The following ROPN1 variants were observed in gnomAD, a reference collection of about 807,000 sequenced individuals.
ROPN1 encodes rhophilin associated tail protein 1.
ROPN1 carries 14 observed loss-of-function variants against 20.5 expected under a neutral mutation model. The observed-to-expected ratio is 0.68, with a 90% CI of 0.45 to 1.07. ROPN1 has a LOEUF of 1.07. ROPN1 is among the 50% of genes least tolerant of loss of function. The pLI is 0.00. For synonymous variants in ROPN1, 76 were observed against 95.7 expected (o/e 0.79, Z 1.20); for missense variants, 169 against 242.8 (o/e 0.70, Z 2.02).
intron 4 of ROPN1, among the ~76,000 whole-genome samples, chr3:123,972,045 T>C (rs1280066046): frequency 2.0e-5 from 3 of 152,112 alleles, no homozygotes; most frequent in East Asian, 3.9e-4. Flanking sequence ...CAAGGAGAAA[T>C]GCCTCAGAAG....
intron 3 of ROPN1, among the ~76,000 whole-genome samples, chr3:123,976,218 G>A (rs1046460993): frequency 1.3e-5 from 2 of 152,188 alleles, no homozygotes; most frequent in Admixed American, 6.5e-5. Context: ...TTTCCTGACT[G>A]TCTGATTCTA....
chr3:123,976,204 C>T (rs948142635), intron 3 of ROPN1, among the ~76,000 whole-genome samples: 13 of 152,184 alleles, frequency 8.5e-5, no homozygotes, highest in Non-Finnish European at 1.9e-4. Flanking sequence ...AGTGCTCCAA[C>T]ACCTTTCCTG....
chr3:123,978,798 C>T (rs2038075759), intron 2 of ROPN1: 1 of 153,012 alleles, frequency 6.5e-6, no homozygotes, highest in South Asian at 2.1e-4. Flanking sequence ...GCTCTTAGGT[C>T]ATGCCCTCCT....
At chr3:123,972,168 C>A (rs1293518541) in intron 4 of ROPN1, among the ~76,000 whole-genome samples, 13 of 152,224 alleles carry the variant, frequency 8.5e-5, no homozygotes, top group African/African-American at 3.1e-4. Context: ...TAGCGGCTTT[C>A]AACCCTAAAC....
rs530686517 is a variant in ROPN1 at position 123,981,211 on chromosome 3, T to G, written c.-12-718A>C. On this transcript the variant is annotated intron_variant, in intron 1 of 5. Coordinates refer to ENST00000405845, the MANE Select transcript of ROPN1 (RefSeq NM_001317774.2). Reference sequence around the variant, plus strand: ...AGAGAAAGGGACAGACTAGATATGCTAAAAAGCTGTCCCTCTTCAAAACAC... The same window carrying G: ...AGAGAAAGGGACAGACTAGATATGCGAAAAAGCTGTCCCTCTTCAAAACAC... Among the ~76,000 whole-genome samples, 3 of 152,332 alleles carry G rather than the reference T, an allele frequency of 2.0e-5. No homozygotes were observed. In the South Asian group the frequency reaches 6.2e-4, roughly 32 times the overall value.
At chr3:123,990,096 T>A (rs1300576870) in intron 1 of ROPN1, among the ~76,000 whole-genome samples, 15 of 152,164 alleles carry the variant, frequency 9.9e-5, no homozygotes, top group Admixed American at 9.8e-4. Context: ...GACAGCTGTG[T>A]GGATGAGCTG....
rs75043864 is a variant in ROPN1 at position 123,989,442 on chromosome 3, T to A, written c.-13+2480A>T. ...AAAAATTGAACTAGGTCCTTTAACA[T>A]TTTTTCCCTTGTCAGCTGTCATAAG... On this transcript the variant is annotated intron_variant, in intron 1 of 5. Transcript: ENST00000405845. Among the ~76,000 whole-genome samples, 585 of 152,316 alleles carry A rather than the reference T, an allele frequency of 3.8e-3. 4 individuals are homozygous for A. The highest frequency in any genetic ancestry group is 0.013 in the African/African-American group (536 of 41,566).
intron 4 of ROPN1, chr3:123,974,882 G>A (rs1178188832): frequency 5.4e-6 from 1 of 185,086 alleles, no homozygotes; most frequent in Non-Finnish European, 1.2e-5. Context: ...CATCCATGGA[G>A]ATGTCATGAC....
At position 123,969,112 on chromosome 3, in the gene ROPN1, A is replaced by G. The variant is rs763689115; in HGVS notation, c.*43T>C. On this transcript the variant is annotated 3_prime_UTR_variant, in exon 6 of 6. Transcript: ENST00000405845. Reference sequence around the variant, plus strand: ...ATGGGTTTCAGTCATTCTGAAGTACAATCATCTCTGTATCTTCCTTTAAAA... The same window carrying G: ...ATGGGTTTCAGTCATTCTGAAGTACGATCATCTCTGTATCTTCCTTTAAAA... 6.5e-5 allele frequency: 99 copies of G among 1,520,892 alleles called. No individual in the cohort carries two copies. Among genetic ancestry groups the G allele is most frequent in the Non-Finnish European group, 8.8e-5 (96 of 1,095,550 alleles). 94.2% of individuals were successfully genotyped at this position (1,520,892 alleles called of 1,614,324 possible).
At chr3:123,979,157 A>G (rs2038083836) in intron 2 of ROPN1, 2 of 216,402 alleles carry the variant, frequency 9.2e-6, no homozygotes, top group Non-Finnish European at 1.9e-5. Flanking sequence ...GTTTCTTTTT[A>G]TGAGCACCAC....
intron 5 of ROPN1, among the ~76,000 whole-genome samples, 188 bp from the exon 6 acceptor site, chr3:123,969,409 C>T (rs1477418190): frequency 1.3e-5 from 2 of 152,258 alleles, no homozygotes; most frequent in East Asian, 3.9e-4. Context: ...GCAATCTTGG[C>T]TCACTGCAAC....
intron 2 of ROPN1, chr3:123,979,886 A>G (rs2038101224): frequency 5.6e-6 from 2 of 356,118 alleles, no homozygotes; most frequent in South Asian, 2.7e-5. Context: ...GTCTCCTTAA[A>G]GGAGTGAACT....
Position 123,976,863 on chromosome 3 carries a change from C to A in ROPN1, c.234+1G>T. 6.2e-7 allele frequency: 1 copy of A among 1,613,434 alleles called. No individual in the cohort carries two copies. Among genetic ancestry groups the A allele is most frequent in the South Asian group, 1.1e-5 (1 of 90,968 alleles). ...CCTCAATGCTGCAGCAGGGCCCTTA[C>A]CTGAGAATGCAGGATCTTTAACAGC... On this transcript the variant is annotated splice_donor_variant, in intron 3 of 5. Transcript: ENST00000405845. LOFTEE classifies it high-confidence loss of function.
rs192578105 is a variant in ROPN1, at chr3:123,981,251, A to T, written c.-12-758T>A. ...CTTCAAAACACCTAGAGGCCAGACA[A>T]ATCTCAGTACAAGCCTTTCACATTG... On this transcript the variant is annotated intron_variant, in intron 1 of 5. Transcript: ENST00000405845. The T allele has an allele frequency of 4.6e-5, 7 of 152,342 alleles. No individual in the cohort carries two copies. In the East Asian group the frequency reaches 1.3e-3, roughly 29 times the overall value. The allele number at this position is 152,342 out of a possible 1,614,324, so 9.4% of individuals were successfully genotyped here.
At chr3:123,990,299 G>A (rs566501205) in intron 1 of ROPN1, among the ~76,000 whole-genome samples, 2 of 152,178 alleles carry the variant, frequency 1.3e-5, no homozygotes, top group Non-Finnish European at 2.9e-5. Flanking sequence ...GAAAAGAGGA[G>A]GTGGAGGAGG....
chr3:123,983,732 A>G (rs2038198001), intron 1 of ROPN1, among the ~76,000 whole-genome samples: 2 of 151,804 alleles, frequency 1.3e-5, no homozygotes, highest in Admixed American at 6.6e-5. Flanking sequence ...TATCAATTAT[A>G]TCTATTAATT....
rs201340337 is a variant in ROPN1, at chr3:123,986,018, A to AAAAAAAAAAAAAAAAAAAAAAAAAAAAAT, written c.-12-5526_-12-5525insATTTTTTTTTTTTTTTTTTTTTTTTTTTT. On this transcript the variant is annotated intron_variant, in intron 1 of 5. Transcript: ENST00000405845. ...AAAAAAAAAAAAAAAAAAAAAAAAAATCAAAATATTTAAATTATACTTGAA... is the reference window on the plus strand; with the variant it reads ...AAAAAAAAAAAAAAAAAAAAAAAAAAAAAAAAAAAAAAAAAAAAAAAAAAAAAATTCAAAATATTTAAATTATACTTGAA... Among the ~76,000 whole-genome samples the AAAAAAAAAAAAAAAAAAAAAAAAAAAAAT allele has an allele frequency of 2.7e-4, 25 of 93,988 alleles. 8 individuals are homozygous for AAAAAAAAAAAAAAAAAAAAAAAAAAAAAT. In the East Asian group the frequency reaches 5.3e-3, roughly 20 times the overall value. 61.7% of individuals were successfully genotyped at this position (93,988 alleles called of 152,430 possible).
intron 4 of ROPN1, among the ~76,000 whole-genome samples, chr3:123,973,931 T>A (rs2037963745): frequency 6.6e-6 from 1 of 152,180 alleles, no homozygotes; most frequent in Non-Finnish European, 1.5e-5. Flanking sequence ...GACTAAGGGA[T>A]GTGAGAAACC....
rs2037863189 is a variant in ROPN1 at position 123,969,203 on chromosome 3, T to C, written c.591A>G (p.Ile197Met). 8 of 1,614,032 alleles carry C rather than the reference T, an allele frequency of 5.0e-6. No homozygotes were observed. The highest frequency in any genetic ancestry group is 6.8e-6 in the Non-Finnish European group (8 of 1,179,886). Reference sequence around the variant, plus strand: ...TTTGGGTAAAGTCATTCACTGTGATTATACCATCAGGGCCAATTCTGTTTG... The same window carrying C: ...TTTGGGTAAAGTCATTCACTGTGATCATACCATCAGGGCCAATTCTGTTTG... ...MEQEVIGPDG[I>M]ITVNDFTQNP... is the part of the protein sequence containing the mutation. The change falls in exon 6 of 6, where the codon ATA becomes ATG. Residue 197 changes from isoleucine to methionine, a missense_variant. By Grantham distance (10) the Ile-to-Met change is conservative. This residue lies in a region of ROPN1 where 82 missense variants were observed against 100.1 expected (regional missense o/e 0.82). Coordinates refer to ENST00000405845, the MANE Select transcript of ROPN1 (RefSeq NM_001317774.2).
Sources: gnomAD v4.1 joint callset for allele counts (sites outside exome capture counted in the v4.1 genomes callset) on GRCh38, gnomAD v4.1.1 for gene constraint, gnomAD v4.1.1 regional missense constraint, MANE v1.5 for transcripts, NCBI Gene and HGNC (gene_info 2026-07-23, HGNC 2026-07-21) for gene names.